The following ABR variants were observed in gnomAD, a reference collection of about 807,000 sequenced individuals.
ABR encodes active breakpoint cluster region-related protein.
In ABR, 35 loss-of-function variants were observed where a neutral mutation model predicts 107.2. That is an observed-to-expected ratio of 0.33 (90% CI 0.25 to 0.43). The LOEUF is 0.43. ABR is among the 20% of genes least tolerant of loss of function. The probability of loss-of-function intolerance (pLI) is 1.00; values close to 1 mark genes in which losing one functional copy is unlikely to be tolerated. For missense variants in ABR, 815 were observed against 1,115.2 expected (o/e 0.73, Z 3.83); for synonymous variants, 498 against 462.0 (o/e 1.08, Z -1.00).
intron 1 of ABR, among the ~76,000 whole-genome samples, chr17:1,176,158 G>A (rs975829101): frequency 6.6e-6 from 1 of 151,626 alleles, no homozygotes; most frequent in African/African-American, 2.4e-5. Flanking sequence ...CTTAGGAGCA[G>A]AGAGCCACCA....
exon 1 of ABR, among the ~76,000 whole-genome samples, chr17:1,229,381 G>A (rs1268773402): frequency 1.4e-5 from 2 of 144,402 alleles, no homozygotes; most frequent in Non-Finnish European, 3.0e-5. Context: ...TCCCCGCGGG[G>A]AGACTCGGCC....
At chr17:1,161,474 A>T (rs112464148) in intron 1 of ABR, among the ~76,000 whole-genome samples, 63 of 151,508 alleles carry the variant, frequency 4.2e-4, no homozygotes, top group Non-Finnish European at 8.4e-4. Context: ...TTGAACTCTT[A>T]GTCTCGAGCA....
intron 3 of ABR, among the ~76,000 whole-genome samples, chr17:1,095,579 C>A (rs1042187565): frequency 9.2e-5 from 14 of 152,190 alleles, no homozygotes; most frequent in African/African-American, 3.1e-4. Context: ...CTCAGGCACC[C>A]CCTCCTCCCC....
rs2042718643 is a variant in ABR at position 1,203,428 on chromosome 17, CCGCGGGGACGG to C, written c.838+25354_838+25364del. On this transcript the variant is annotated intron_variant, in intron 1 of 22. Transcript: ENST00000574139. The stretch of plus-strand genomic sequence containing the variant: ...GGGGCGGAGTCTGCGGGGGCGGGGC[CCGCGGGGACGG>C]AGTCTGCGGGGGCGGGGCCCGCGGG... Among the ~76,000 whole-genome samples, 2 of 57,054 alleles carry C rather than the reference CCGCGGGGACGG, an allele frequency of 3.5e-5. 1 individual carries two copies. The highest frequency in any genetic ancestry group is 4.2e-4 in the Admixed American group (2 of 4,798). 37.4% of individuals were successfully genotyped at this position (57,054 alleles called of 152,430 possible).
chr17:1,203,352 T>C (rs1312765006), intron 1 of ABR, among the ~76,000 whole-genome samples: 1 of 85,346 alleles, frequency 1.2e-5, no homozygotes, highest in East Asian at 3.9e-4. Flanking sequence ...GGGAGGAGCC[T>C]GCGGGGCGGT....
chr17:1,037,025 TTCCATCCA>T lies in ABR; in HGVS notation c.1791+13017_1791+13024del, dbSNP rs769875816. 1.4e-5 allele frequency among the ~76,000 whole-genome samples: 2 copies of T among 144,140 alleles called. No individual in the cohort carries two copies. Among genetic ancestry groups the T allele is most frequent in the African/African-American group, 2.6e-5 (1 of 38,380 alleles). 94.6% of individuals were successfully genotyped at this position (144,140 alleles called of 152,430 possible). A position where few individuals can be genotyped will look rare whatever the true frequency, so the allele number is the denominator to read the frequency against. On this transcript the variant is annotated intron_variant, in intron 16 of 22. Transcript: ENST00000302538. The surrounding 1 kb of genome is among the most constrained non-coding windows in gnomAD (Gnocchi z 4.6). Reference sequence around the variant, plus strand: ...CTTCCTTCCTTCCATCCTTCCTTCCTTCCATCCATCCACCCATCCATCCATCCATCCAC... The same window carrying T: ...CTTCCTTCCTTCCATCCTTCCTTCCTTCCACCCATCCATCCATCCATCCAC...
chr17:1,023,636 A>C (rs2071907845), intron 16 of ABR, among the ~76,000 whole-genome samples: 1 of 152,198 alleles, frequency 6.6e-6, no homozygotes, highest in Non-Finnish European at 1.5e-5. Context: ...TGTGGTCCTG[A>C]CCAGGAAGCT....
Position 1,011,591 on chromosome 17 carries a change from G to T in ABR, c.2101+255C>A, listed in dbSNP as rs1200940065. ...GAGTCAGATCTGAGTTTTAAGTCCA[G>T]AACCAAAACCTACAAGTTGGGTCAT... On this transcript the variant is annotated intron_variant, in intron 19 of 22. Coordinates refer to ENST00000302538, the MANE Select transcript of ABR (RefSeq NM_021962.5). This position sits in a 1 kb window ranked among gnomAD's most constrained non-coding sequence, Gnocchi z 4.8. 3 of 356,076 alleles carry T rather than the reference G, an allele frequency of 8.4e-6. No individual in the cohort carries two copies. The highest frequency in any genetic ancestry group is 1.5e-5 in the Non-Finnish European group (3 of 199,010). 22.1% of individuals were successfully genotyped at this position (356,076 alleles called of 1,614,324 possible). A position where few individuals can be genotyped will look rare whatever the true frequency, so the allele number is the denominator to read the frequency against.
In ABR at chr17:1,059,861, T is replaced by C. The variant is rs924525514; in HGVS notation, c.1183-994A>G. Among the ~76,000 whole-genome samples, 8 of 152,320 alleles carry C rather than the reference T, an allele frequency of 5.3e-5. No individual in the cohort carries two copies. In the South Asian group the frequency reaches 1.0e-3, roughly 20 times the overall value. ...ATGTTCACAGCCAGTGTTGTGACAC[T>C]GTGGGGGACAGTCACCCTCACACAC... On this transcript the variant is annotated intron_variant, in intron 10 of 22. Transcript: ENST00000302538.
At position 1,208,553 on chromosome 17, in the gene ABR, T is replaced by A. The variant is rs540912363; in HGVS notation, c.838+20240A>T. On this transcript the variant is annotated intron_variant, in intron 1 of 22. Coordinates refer to the ABR transcript ENST00000574139. ...TGCTAACGTCGCGGTAGAGAAGTGC[T>A]GACCACTGCTCCCTTGTTGACTCTG... Among the ~76,000 whole-genome samples the A allele has an allele frequency of 8.5e-5, 13 of 152,336 alleles. 1 individual carries two copies. The highest frequency in any genetic ancestry group is 2.6e-4 in the African/African-American group (11 of 41,584).
At chr17:1,172,920 GC>G (rs2041767785) in intron 1 of ABR, among the ~76,000 whole-genome samples, 1 of 150,936 alleles carries the variant, frequency 6.6e-6, no homozygotes, top group African/African-American at 2.4e-5. Context: ...GGAGAAAAGT[GC>G]CAAGAATATA....
chr17:1,140,127 G>C (rs187264997), intron 1 of ABR, among the ~76,000 whole-genome samples: 1 of 152,220 alleles, frequency 6.6e-6, no homozygotes, highest in Non-Finnish European at 1.5e-5. Flanking sequence ...GATGTGGAAC[G>C]GGGCAAACCG....
chr17:1,031,297 C>CTCCCCG (rs2072715549), intron 16 of ABR, among the ~76,000 whole-genome samples: 1 of 152,188 alleles, frequency 6.6e-6, no homozygotes. Context: ...AGGCAGGCGT[C>CTCCCCG]TCCCCGTGCG....
At position 1,054,682 on chromosome 17, in the gene ABR, G is replaced by T. The variant is rs560026227; in HGVS notation, c.1561+1353C>A. Among the ~76,000 whole-genome samples, 149 of 56,624 alleles carry T rather than the reference G, an allele frequency of 2.6e-3. 32 individuals are homozygous for T. Among genetic ancestry groups the T allele is most frequent in the African/African-American group, 0.01 (139 of 13,734 alleles). The allele number at this position is 56,624 out of a possible 152,430, so 37.1% of individuals were successfully genotyped here. A position where few individuals can be genotyped will look rare whatever the true frequency, so the allele number is the denominator to read the frequency against. On this transcript the variant is annotated intron_variant, in intron 14 of 22. Transcript: ENST00000302538. ...GCACAAGGAACCTGAGGGGATGGGGGCACAAGGAACCTCAGGGGATGGGGG... is the reference window on the plus strand; with the variant it reads ...GCACAAGGAACCTGAGGGGATGGGGTCACAAGGAACCTCAGGGGATGGGGG...
intron 16 of ABR, chr17:1,031,717 C>A (rs963013506): frequency 1.6e-6 from 2 of 1,246,334 alleles, no homozygotes; most frequent in South Asian, 6.4e-5. Flanking sequence ...GGGCTGCAGT[C>A]GGGCTGGGGC....
chr17:1,054,216 G>A (rs531866485), intron 14 of ABR, among the ~76,000 whole-genome samples: 11 of 152,326 alleles, frequency 7.2e-5, no homozygotes, highest in East Asian at 1.9e-4. Flanking sequence ...CTCTGAACAC[G>A]CCACAGGCTT....
intron 21 of ABR, among the ~76,000 whole-genome samples, chr17:1,008,924 G>A (rs2070288302): frequency 6.6e-6 from 1 of 152,224 alleles, no homozygotes; most frequent in Non-Finnish European, 1.5e-5. Flanking sequence ...AGAAGGGTCT[G>A]AATTTAGGAT....
In ABR at chr17:1,200,695, G is replaced by A. The variant is rs1427218640; in HGVS notation, c.838+28098C>T. Among the ~76,000 whole-genome samples, 1 of 152,134 alleles carries A rather than the reference G, an allele frequency of 6.6e-6. No homozygotes were observed. Among genetic ancestry groups the A allele is most frequent in the East Asian group, 1.9e-4 (1 of 5,186 alleles). ...GCCTCCGTGGTGCAGACACAAAGATGGATCCCCAGGTGGAAACCCGGGCAC... is the reference window on the plus strand; with the variant it reads ...GCCTCCGTGGTGCAGACACAAAGATAGATCCCCAGGTGGAAACCCGGGCAC... On this transcript the variant is annotated intron_variant, in intron 1 of 22. Coordinates refer to the ABR transcript ENST00000574139. The surrounding 1 kb of genome is among the most constrained non-coding windows in gnomAD (Gnocchi z 4.1).
At chr17:1,191,067 A>G (rs8071117), upstream of ABR, among the ~76,000 whole-genome samples, 100,067 of 152,100 alleles carry the variant, frequency 0.66, 33,877 homozygotes, top group Middle Eastern at 0.78. Context: ...CGAGGGCGCT[A>G]TACAGTGCGA....
Sources: gnomAD v4.1 joint callset for allele counts (sites outside exome capture counted in the v4.1 genomes callset) on GRCh38, gnomAD v4.1.1 for gene constraint, Gnocchi (gnomAD v3.1) non-coding constraint, MANE v1.5 for transcripts, NCBI Gene and HGNC (gene_info 2026-07-23, HGNC 2026-07-21) for gene names.